Variants in PHF8 observed in about 807,000 individuals in gnomAD.
The protein encoded by PHF8 is PHD finger protein 8, also known as histone lysine demethylase PHF8.
In PHF8, 9 loss-of-function variants were observed where a neutral mutation model predicts 74.4. The ratio of observed to expected loss-of-function variants is 0.12; its 90% CI spans 0.07 to 0.21. PHF8 has a LOEUF of 0.21. Ranked by LOEUF, PHF8 falls within the 10% of genes least tolerant of loss-of-function variation. The pLI is 1.00. For missense variants in PHF8, 478 were observed against 816.6 expected (o/e 0.59, Z 5.05); for synonymous variants, 311 against 316.6 (o/e 0.98, Z 0.19).
chrX:53,984,054 T>C (rs1465235512), intron 18 of PHF8, among the ~76,000 whole-genome samples: 2 of 112,766 alleles, frequency 1.8e-5, no homozygotes, highest in African/African-American at 6.4e-5. Flanking sequence ...ACCATATTTG[T>C]ATAACTTTTG....
chrX:53,972,106 C>T (rs1294579698), intron 18 of PHF8, among the ~76,000 whole-genome samples: 1 of 110,226 alleles, frequency 9.1e-6, no homozygotes. Context: ...AGGCAGACCA[C>T]GAGGTCAAGA....
intron 2 of PHF8, among the ~76,000 whole-genome samples, chrX:54,028,595 G>A (rs1432610984): frequency 3.6e-5 from 4 of 111,198 alleles, no homozygotes; most frequent in Non-Finnish European, 7.5e-5. Flanking sequence ...CCCTCCAAAT[G>A]TCTCCTGGGT....
At chrX:53,993,148 C>T in intron 13 of PHF8, 2 of 348,190 alleles carry the variant, frequency 5.7e-6, no homozygotes, top group Non-Finnish European at 1.0e-5. Context: ...GGGCTTTTCT[C>T]AAGGACCTGC....
chrX:53,993,869 T>C lies in PHF8; in HGVS notation c.1358A>G (p.Asn453Ser), dbSNP rs1355515772. Residue 453 changes from asparagine to serine, a missense_variant, in exon 13 of 22, where the codon AAT (asparagine) becomes AGT (serine). Coordinates refer to ENST00000338154, the MANE Select transcript of PHF8 (RefSeq NM_015107.3). The stretch of plus-strand genomic sequence containing the variant: ...GAAGATCCTCTGCAGCCCAAAGATA[T>C]TGCTCGTCTTCCCAACGTTCTGTTG... ...IFQQNVGKTSNIFGLQRIFPA... is the reference protein window; with the variant it reads ...IFQQNVGKTSSIFGLQRIFPA... The C allele has an allele frequency of 8.3e-7, 1 of 1,207,656 alleles. No individual in the cohort carries two copies. Among genetic ancestry groups the C allele is most frequent in the East Asian group, 3.0e-5 (1 of 33,818 alleles).
intron 18 of PHF8, among the ~76,000 whole-genome samples, chrX:53,966,722 C>T (rs2065194511): frequency 9.1e-6 from 1 of 110,250 alleles, no homozygotes; most frequent in African/African-American, 3.3e-5. Flanking sequence ...GCCCCTCTGC[C>T]TGGCTGCCCA....
At chrX:54,012,062 T>A (rs1482031386) in intron 7 of PHF8, among the ~76,000 whole-genome samples, 2 of 111,245 alleles carry the variant, frequency 1.8e-5, no homozygotes, top group Non-Finnish European at 3.8e-5. Flanking sequence ...ACTTCCTGAT[T>A]TTGATAACTA....
chrX:54,026,058 A>G (rs900586505), intron 2 of PHF8, among the ~76,000 whole-genome samples: 2 of 111,731 alleles, frequency 1.8e-5, no homozygotes, highest in Non-Finnish European at 1.9e-5. Context: ...TTCACTGTCC[A>G]AAATATTTGG....
chrX:54,038,257 C>T (rs1267516766), intron 2 of PHF8, among the ~76,000 whole-genome samples: 1 of 111,999 alleles, frequency 8.9e-6, no homozygotes, highest in Non-Finnish European at 1.9e-5. Flanking sequence ...AAGGTCGTTC[C>T]TCCTGTGTTA....
chrX:54,044,787 G>A (rs1377988543), upstream of PHF8: 5 of 745,042 alleles, frequency 6.7e-6, no homozygotes, highest in Non-Finnish European at 7.9e-6. Flanking sequence ...CCTCCTATGA[G>A]AGGAGGTGAA....
At chrX:54,041,880 T>A (rs2066561519) in intron 2 of PHF8, among the ~76,000 whole-genome samples, 1 of 112,723 alleles carries the variant, frequency 8.9e-6, no homozygotes, top group Admixed American at 9.4e-5. Context: ...CAAAGCAACT[T>A]GTGCATGGTC....
chrX:53,995,871 G>T, intron 11 of PHF8, 89 bp from the exon 12 acceptor site: 1 of 498,861 alleles, frequency 2.0e-6, no homozygotes, highest in Non-Finnish European at 3.5e-6. Context: ...AATGGAGAAA[G>T]AGTAGTCTTT....
intron 20 of PHF8, chrX:53,943,075 C>A: frequency 1.2e-6 from 1 of 816,194 alleles, no homozygotes; most frequent in Non-Finnish European, 1.5e-6. Flanking sequence ...CTGATCATCC[C>A]AAACAGAATT....
chrX:54,006,637 T>C (rs1557105388), intron 8 of PHF8, among the ~76,000 whole-genome samples: 1 of 111,535 alleles, frequency 9.0e-6, no homozygotes, highest in Non-Finnish European at 1.9e-5. Flanking sequence ...AAAATTCTTA[T>C]GAAAATTCAG....
At chrX:53,958,553 G>C (rs782005301) in intron 19 of PHF8, among the ~76,000 whole-genome samples, 1 of 103,766 alleles carries the variant, frequency 9.6e-6, no homozygotes, top group African/African-American at 3.5e-5. Flanking sequence ...AGGCCGAGGC[G>C]GGCGGATCAC....
At chrX:53,966,467 C>T (rs782132202) in intron 18 of PHF8, among the ~76,000 whole-genome samples, 3 of 112,991 alleles carry the variant, frequency 2.7e-5, no homozygotes, top group East Asian at 2.8e-4. Flanking sequence ...CTCCTAACCG[C>T]GAGTGATCCG....
intron 21 of PHF8, among the ~76,000 whole-genome samples, 173 bp from the exon 22 acceptor site, chrX:53,939,419 A>G (rs1201264159): frequency 9.0e-6 from 1 of 111,356 alleles, no homozygotes; most frequent in African/African-American, 3.3e-5. Flanking sequence ...CCAACACCAC[A>G]TGCTTTGACT....
At chrX:53,968,779 G>A (rs1363289460) in intron 18 of PHF8, among the ~76,000 whole-genome samples, 4 of 111,284 alleles carry the variant, frequency 3.6e-5, no homozygotes, top group Admixed American at 9.6e-5. Flanking sequence ...GCGTGATGGC[G>A]GGCATCTGTA....
In PHF8 at chrX:54,012,697, G is replaced by A. The variant is rs147544740; in HGVS notation, c.784-1413C>T. Among the ~76,000 whole-genome samples the A allele has an allele frequency of 5.0e-3, 556 of 110,849 alleles. 2 individuals carry two copies. Among genetic ancestry groups the A allele is most frequent in the African/African-American group, 0.017 (522 of 30,576 alleles). ...CACGTCTGTAATCCTAGCACTTTGAGGGCCAAGGTGGGAAGACTGCTGGAG... is the reference window on the plus strand; with the variant it reads ...CACGTCTGTAATCCTAGCACTTTGAAGGCCAAGGTGGGAAGACTGCTGGAG... On this transcript the variant is annotated intron_variant, in intron 7 of 21. Coordinates refer to ENST00000338154, the MANE Select transcript of PHF8 (RefSeq NM_015107.3).
At chrX:53,942,663 T>C in intron 20 of PHF8, 2 of 718,172 alleles carry the variant, frequency 2.8e-6, no homozygotes, top group Non-Finnish European at 3.3e-6. Context: ...ACATTTATGA[T>C]TGTAAGTACC....
Sources: gnomAD v4.1 joint callset for allele counts (sites outside exome capture counted in the v4.1 genomes callset) on GRCh38, gnomAD v4.1.1 for gene constraint, MANE v1.5 for transcripts, NCBI Gene and HGNC (gene_info 2026-07-23, HGNC 2026-07-21) for gene names.